The following ZFHX3 variants were observed in gnomAD, a reference collection of about 807,000 sequenced individuals.
The protein encoded by ZFHX3 is zinc finger homeobox 3.
In ZFHX3, 42 loss-of-function variants were observed where a neutral mutation model predicts 279.1. The observed-to-expected ratio is 0.15, with a 90% CI of 0.12 to 0.19. The LOEUF is 0.19. ZFHX3 is among the 10% of genes least tolerant of loss of function. The probability of loss-of-function intolerance (pLI) is 1.00; values close to 1 mark genes in which losing one functional copy is unlikely to be tolerated. For synonymous variants in ZFHX3, 2,293 were observed against 1,957.8 expected (o/e 1.17, Z -4.52); for missense variants, 4,981 against 4,754.0 (o/e 1.05, Z -1.40).
intron 3 of ZFHX3, among the ~76,000 whole-genome samples, chr16:72,931,584 A>G (rs1959810577): frequency 6.7e-6 from 1 of 148,882 alleles, no homozygotes; most frequent in Non-Finnish European, 1.5e-5. Context: ...AAAAAAAAAA[A>G]GTTTCAGCTG....
intron 1 of ZFHX3, among the ~76,000 whole-genome samples, chr16:73,867,569 A>G (rs1962057802): frequency 6.6e-6 from 1 of 152,224 alleles, no homozygotes. Context: ...ACTGACAATA[A>G]CAGGCTTACA....
chr16:73,213,875 T>C (rs977238292), intron 5 of ZFHX3, among the ~76,000 whole-genome samples: 1 of 152,198 alleles, frequency 6.6e-6, no homozygotes, highest in Non-Finnish European at 1.5e-5. Context: ...AGAAGATGGC[T>C]CTCCTATTCC....
chr16:73,404,965 C>T (rs939068823), intron 3 of ZFHX3, among the ~76,000 whole-genome samples: 2 of 152,202 alleles, frequency 1.3e-5, no homozygotes, highest in African/African-American at 4.8e-5. Context: ...CCCACGGAGT[C>T]ACATCATCCT....
chr16:73,615,249 C>A (rs572261884), intron 2 of ZFHX3, among the ~76,000 whole-genome samples: 16 of 151,878 alleles, frequency 1.1e-4, no homozygotes, highest in Admixed American at 7.2e-4. Context: ...CCATGCATGT[C>A]CCGAGACAAC....
At chr16:73,460,057 A>T (rs536010029) in intron 2 of ZFHX3, among the ~76,000 whole-genome samples, 1 of 152,324 alleles carries the variant, frequency 6.6e-6, no homozygotes, top group East Asian at 1.9e-4. Flanking sequence ...TGATACTGTC[A>T]AGATACAGAA....
intron 1 of ZFHX3, among the ~76,000 whole-genome samples, chr16:72,971,757 A>G (rs1962112368): frequency 6.6e-6 from 1 of 152,048 alleles, no homozygotes; most frequent in South Asian, 2.1e-4. Flanking sequence ...GTTATTTTTA[A>G]AAGTCCGTTT....
At chr16:73,351,534 C>T (rs901337769) in intron 3 of ZFHX3, among the ~76,000 whole-genome samples, 1 of 152,224 alleles carries the variant, frequency 6.6e-6, no homozygotes, top group Admixed American at 6.5e-5. Context: ...AGCTGCTTTT[C>T]TCCCAGCTTC....
chr16:73,087,562 G>A (rs1392687942), intron 8 of ZFHX3, among the ~76,000 whole-genome samples: 1 of 152,146 alleles, frequency 6.6e-6, no homozygotes, highest in African/African-American at 2.4e-5. Context: ...GCCTCAAGAT[G>A]TCCCCTGAGA....
At chr16:73,356,694 G>A (rs780566665) in intron 3 of ZFHX3, among the ~76,000 whole-genome samples, 3 of 152,074 alleles carry the variant, frequency 2.0e-5, no homozygotes, top group Non-Finnish European at 2.9e-5. Context: ...ATTTCCATGG[G>A]GATTAAGTAG....
intron 1 of ZFHX3, among the ~76,000 whole-genome samples, chr16:72,995,695 G>A (rs1195272851): frequency 6.6e-6 from 1 of 152,130 alleles, no homozygotes; most frequent in African/African-American, 2.4e-5. Context: ...CAAACCCCGC[G>A]CTGGGTCCTG....
Position 72,855,532 on chromosome 16 carries a change from C to T in ZFHX3, c.3449-25673G>A, listed in dbSNP as rs1218762963. On this transcript the variant is annotated intron_variant, in intron 4 of 9. Coordinates refer to ENST00000268489, the MANE Select transcript of ZFHX3 (RefSeq NM_006885.4). ...AATTCATTCTGCAGAGACAGAGGAACGAAAACGGATTCATTCTCAGTATAT... is the reference window on the plus strand; with the variant it reads ...AATTCATTCTGCAGAGACAGAGGAATGAAAACGGATTCATTCTCAGTATAT... 3.9e-5 allele frequency among the ~76,000 whole-genome samples: 6 copies of T among 152,276 alleles called. No homozygotes were observed. The East Asian group carries it at 9.6e-4, about 24-fold the overall frequency.
chr16:73,147,592 T>C, intron 5 of ZFHX3, among the ~76,000 whole-genome samples: 1 of 144,984 alleles, frequency 6.9e-6, no homozygotes, highest in East Asian at 2.0e-4. Context: ...CTCGGGAGGC[T>C]GAGGCAGGAG....
At chr16:73,787,848 TGTGTGAAA>T (rs1177945226) in intron 1 of ZFHX3, among the ~76,000 whole-genome samples, 1 of 148,798 alleles carries the variant, frequency 6.7e-6, no homozygotes, top group Non-Finnish European at 1.5e-5. Flanking sequence ...TGTGTGTGTG[TGTGTGAAA>T]GAGAGAGAGA....
rs1051823351 is a variant in ZFHX3, at chr16:73,560,781, C to A, written c.-1546-104523G>T. ...ATACAGCTGTGTTCTGGTTCAGAGC[C>A]TCCGAAATCTCACTTGTGTGAGTCG... On this transcript the variant is annotated intron_variant, in intron 2 of 17. Transcript: ENST00000641206. Among the ~76,000 whole-genome samples the A allele has an allele frequency of 2.5e-4, 38 of 152,174 alleles. 1 individual carries two copies. Among genetic ancestry groups the A allele is most frequent in the Non-Finnish European group, 1.5e-5 (1 of 68,028 alleles).
chr16:73,344,102 C>A (rs762766553), intron 3 of ZFHX3, among the ~76,000 whole-genome samples: 1 of 152,130 alleles, frequency 6.6e-6, no homozygotes, highest in Non-Finnish European at 1.5e-5. Context: ...TTATTAGTTG[C>A]AAATGGAAAA....
In ZFHX3 at chr16:72,928,975, T is replaced by A. The variant is rs74958639; in HGVS notation, c.3216+21494A>T. ...AGGCTTGGCTGGGTGCGGGAGCTCA[T>A]GCCTATAACCCCAGCACTTTGGGAG... On this transcript the variant is annotated intron_variant, in intron 3 of 9. Transcript: ENST00000268489. 1.0e-2 allele frequency among the ~76,000 whole-genome samples: 1,519 copies of A among 151,918 alleles called. 42 individuals carry two copies. Among genetic ancestry groups the A allele is most frequent in the East Asian group, 0.038 (193 of 5,146 alleles).
intron 2 of ZFHX3, among the ~76,000 whole-genome samples, chr16:73,569,420 A>G (rs540778589): frequency 2.0e-5 from 3 of 151,582 alleles, no homozygotes; most frequent in African/African-American, 7.3e-5. Flanking sequence ...TGCCCTAAAA[A>G]CTCCGAAAGA....
intron 4 of ZFHX3, among the ~76,000 whole-genome samples, chr16:73,301,553 T>A (rs912154628): frequency 2.6e-5 from 4 of 152,154 alleles, no homozygotes; most frequent in Non-Finnish European, 4.4e-5. Flanking sequence ...CCAAATGTCC[T>A]CTGGACAGGG....
At chr16:72,971,738 A>G (rs562015033) in intron 1 of ZFHX3, among the ~76,000 whole-genome samples, 1 of 152,114 alleles carries the variant, frequency 6.6e-6, no homozygotes, top group African/African-American at 2.4e-5. Context: ...AACAGTGGGT[A>G]TTTACTTTGT....
Sources: gnomAD v4.1 joint callset for allele counts (sites outside exome capture counted in the v4.1 genomes callset) on GRCh38, gnomAD v4.1.1 for gene constraint, MANE v1.5 for transcripts, NCBI Gene and HGNC (gene_info 2026-07-23, HGNC 2026-07-21) for gene names.